Variants in KAT6A observed in about 807,000 individuals in gnomAD.
The protein encoded by KAT6A is histone acetyltransferase KAT6A.
KAT6A carries 9 observed loss-of-function variants against 198.4 expected under a neutral mutation model. The ratio of observed to expected loss-of-function variants is 0.05; its 90% CI spans 0.03 to 0.08. The LOEUF (loss-of-function observed/expected upper bound fraction) is 0.08. KAT6A is among the 10% of genes least tolerant of loss of function. KAT6A has a pLI of 1.00. For synonymous variants in KAT6A, 890 were observed against 883.0 expected, an observed-to-expected ratio of 1.01 and a Z score of -0.14; for missense variants, 2,077 against 2,509.9, an observed-to-expected ratio of 0.83 and a Z score of 3.69.
intron 2 of KAT6A, among the ~76,000 whole-genome samples, chr8:42,021,178 A>G (rs1470644034): frequency 6.6e-6 from 1 of 152,194 alleles, no homozygotes; most frequent in African/African-American, 2.4e-5. Flanking sequence ...ATTTAAATAG[A>G]TTATAAAACG....
intron 15 of KAT6A, among the ~76,000 whole-genome samples, chr8:41,939,117 T>C (rs1391094837): frequency 6.6e-6 from 1 of 152,128 alleles, no homozygotes. Context: ...CCAATAATGA[T>C]ATAAATAAAT....
intron 2 of KAT6A, among the ~76,000 whole-genome samples, chr8:41,992,704 C>G (rs11779404): frequency 0.29 from 43,940 of 151,964 alleles, 6,500 homozygotes; most frequent in Middle Eastern, 0.45. Flanking sequence ...GGGTTTAGAG[C>G]AATCACTGAA....
rs1554682542 is a variant in KAT6A, at chr8:41,946,529, C to CACACAT, written c.1996+61_1996+62insATGTGT. ...ACACACACACACACACACACACACA[C>CACACAT]ACACACACACACAGAGAAGGTCCAC... On this transcript the variant is annotated intron_variant, in intron 12 of 16. Transcript: ENST00000265713. 4,989 of 682,072 alleles carry CACACAT rather than the reference C, an allele frequency of 7.3e-3. 199 individuals are homozygous for CACACAT. The highest frequency in any genetic ancestry group is 0.037 in the East Asian group (1,208 of 32,654). 42.3% of individuals were successfully genotyped at this position (682,072 alleles called of 1,614,324 possible).
At chr8:42,003,267 T>C (rs772154884) in intron 2 of KAT6A, among the ~76,000 whole-genome samples, 1 of 152,116 alleles carries the variant, frequency 6.6e-6, no homozygotes, top group African/African-American at 2.4e-5. Flanking sequence ...AGACTTCCCA[T>C]GCGCCCTCAG....
intron 9 of KAT6A, among the ~76,000 whole-genome samples, chr8:41,952,450 G>T (rs1234795619): frequency 6.6e-6 from 1 of 152,192 alleles, no homozygotes; most frequent in African/African-American, 2.4e-5. Flanking sequence ...GTTTCGCAAT[G>T]AACCTACTGA....
At chr8:42,006,461 G>A (rs1374353487) in intron 2 of KAT6A, among the ~76,000 whole-genome samples, 1 of 152,064 alleles carries the variant, frequency 6.6e-6, no homozygotes, top group Non-Finnish European at 1.5e-5. Context: ...GAAATGCTTG[G>A]GACAAGAAGT....
chr8:42,036,790 T>C (rs1167520871), intron 2 of KAT6A, among the ~76,000 whole-genome samples: 1 of 152,150 alleles, frequency 6.6e-6, no homozygotes, highest in African/African-American at 2.4e-5. Flanking sequence ...CAAGATCTTC[T>C]TGAGATAAAG....
chr8:41,967,996 C>A (rs1486517771), intron 8 of KAT6A, among the ~76,000 whole-genome samples: 7 of 151,866 alleles, frequency 4.6e-5, no homozygotes, highest in Non-Finnish European at 7.4e-5. Flanking sequence ...AAGACTTAAA[C>A]GTTAGACCTA....
intron 5 of KAT6A, among the ~76,000 whole-genome samples, 192 bp downstream of exon 5, chr8:41,980,654 T>A (rs575339086): frequency 6.6e-6 from 1 of 152,314 alleles, no homozygotes; most frequent in East Asian, 1.9e-4. Context: ...TAAATCCGTA[T>A]CATGTAAGAA....
At position 41,976,979 on chromosome 8, in the gene KAT6A, T is replaced by C. The variant is rs760351893; in HGVS notation, c.1363+29A>G. 3.0e-5 allele frequency: 46 copies of C among 1,514,100 alleles called. No individual in the cohort carries two copies. The East Asian group carries it at 1.0e-3, about 34-fold the overall frequency. 93.8% of individuals were successfully genotyped at this position (1,514,100 alleles called of 1,614,324 possible). A position where few individuals can be genotyped will look rare whatever the true frequency, so the allele number is the denominator to read the frequency against. ...GAATAATACATGTACAGAATACTATTTGTTTCTAAGTCTGTTCTAAACTCT... is the reference window on the plus strand; with the variant it reads ...GAATAATACATGTACAGAATACTATCTGTTTCTAAGTCTGTTCTAAACTCT... On this transcript the variant is annotated intron_variant, in intron 7 of 16. Coordinates refer to ENST00000265713, the MANE Select transcript of KAT6A (RefSeq NM_006766.5).
intron 9 of KAT6A, 34 bp downstream of exon 9, chr8:41,955,262 C>T: frequency 7.6e-7 from 1 of 1,312,674 alleles, no homozygotes; most frequent in Non-Finnish European, 1.1e-6. Context: ...CTATGGATCT[C>T]AAAACAGAAG....
chr8:42,023,575 C>T (rs1326851562), intron 2 of KAT6A, among the ~76,000 whole-genome samples: 2 of 151,660 alleles, frequency 1.3e-5, no homozygotes, highest in African/African-American at 4.8e-5. Context: ...GCAGCCTCAA[C>T]CTTCCAGGCT....
At chr8:41,968,484 G>A (rs1233784551) in intron 8 of KAT6A, among the ~76,000 whole-genome samples, 1 of 152,142 alleles carries the variant, frequency 6.6e-6, no homozygotes, top group African/African-American at 2.4e-5. Context: ...AACAGGTGCT[G>A]GAGAGGATGT....
At chr8:41,963,821 A>G (rs1823325468) in intron 8 of KAT6A, among the ~76,000 whole-genome samples, 1 of 152,132 alleles carries the variant, frequency 6.6e-6, no homozygotes, top group Non-Finnish European at 1.5e-5. Flanking sequence ...GAAACACAAA[A>G]TCTTCATGAT....
chr8:41,960,143 G>A (rs1823125526), intron 8 of KAT6A, among the ~76,000 whole-genome samples: 1 of 151,970 alleles, frequency 6.6e-6, no homozygotes, highest in Non-Finnish European at 1.5e-5. Flanking sequence ...TACCAGGGGT[G>A]GGGGTAGGGG....
chr8:41,931,641 TAATAATATTAAC>T lies in KAT6A; in HGVS notation c.*552_*563del, dbSNP rs1029037337. On this transcript the variant is annotated 3_prime_UTR_variant, in exon 17 of 17. Coordinates refer to ENST00000265713, the MANE Select transcript of KAT6A (RefSeq NM_006766.5). The stretch of plus-strand genomic sequence containing the variant: ...TGCCTCACTTTATTAATAATAATAA[TAATAATATTAAC>T]AATAATAATAAGTTTAAGGAGCTTG... 52 of 184,786 alleles carry T rather than the reference TAATAATATTAAC, an allele frequency of 2.8e-4. 1 individual carries two copies. The Middle Eastern group carries it at 5.8e-3, about 21-fold the overall frequency. 11.4% of individuals were successfully genotyped at this position (184,786 alleles called of 1,614,324 possible).
intron 2 of KAT6A, among the ~76,000 whole-genome samples, chr8:42,039,648 A>T (rs554536425): frequency 6.6e-6 from 1 of 152,230 alleles, no homozygotes; most frequent in Non-Finnish European, 1.5e-5. Flanking sequence ...AAGGGTAAAA[A>T]GAAATTTAAT....
intron 2 of KAT6A, among the ~76,000 whole-genome samples, chr8:41,992,777 C>T (rs535497910): frequency 3.3e-4 from 50 of 152,278 alleles, no homozygotes; most frequent in African/African-American, 1.2e-3. Flanking sequence ...GCAACTCAAA[C>T]TAAATTACCA....
intron 2 of KAT6A, among the ~76,000 whole-genome samples, chr8:41,996,732 A>AT (rs1431726809): frequency 1.3e-5 from 2 of 152,164 alleles, no homozygotes; most frequent in Non-Finnish European, 2.9e-5. Flanking sequence ...TCACAGAGAG[A>AT]TGAGGCCCCT....
Sources: gnomAD v4.1 joint callset for allele counts (sites outside exome capture counted in the v4.1 genomes callset) on GRCh38, gnomAD v4.1.1 for gene constraint, MANE v1.5 for transcripts, NCBI Gene and HGNC (gene_info 2026-07-23, HGNC 2026-07-21) for gene names.